The following TAFA1 variants were observed in gnomAD, a reference collection of about 807,000 sequenced individuals.
TAFA1 encodes chemokine-like protein TAFA-1.
A neutral mutation model predicts 18.5 loss-of-function variants in TAFA1; 4 were observed. The observed-to-expected ratio is 0.22, with a 90% confidence interval of 0.11 to 0.49. The LOEUF is 0.49. Among genes scored for constraint, TAFA1 ranks in the 20% least tolerant of loss-of-function variants. TAFA1 has a pLI of 0.98. For synonymous variants in TAFA1, 56 were observed against 55.2 expected, an observed-to-expected ratio of 1.01 and a Z score of -0.06; for missense variants, 147 against 169.0, an observed-to-expected ratio of 0.87 and a Z score of 0.72.
At chr3:68,346,643 C>G (rs1054425374) in intron 2 of TAFA1, among the ~76,000 whole-genome samples, 7 of 152,166 alleles carry the variant, frequency 4.6e-5, no homozygotes, top group Non-Finnish European at 1.0e-4. Context: ...TTTTGAGGCT[C>G]TATCATCTGA....
At chr3:68,289,756 AG>A (rs1559601523) in intron 2 of TAFA1, among the ~76,000 whole-genome samples, 1 of 152,222 alleles carries the variant, frequency 6.6e-6, no homozygotes, top group Non-Finnish European at 1.5e-5. Flanking sequence ...AGAGAAATTA[AG>A]GGTGTCTCCT....
At chr3:68,099,021 A>C (rs2065118700) in intron 2 of TAFA1, among the ~76,000 whole-genome samples, 1 of 152,136 alleles carries the variant, frequency 6.6e-6, no homozygotes, top group Non-Finnish European at 1.5e-5. Context: ...TGAATTAAAG[A>C]CTTAAATTTA....
chr3:68,500,421 A>C (rs913428408), intron 3 of TAFA1, among the ~76,000 whole-genome samples: 1 of 152,140 alleles, frequency 6.6e-6, no homozygotes, highest in Admixed American at 6.6e-5. Context: ...TCCCTGCCCA[A>C]TTGTTATAAA....
At chr3:68,538,958 A>G (rs1014029978) in intron 4 of TAFA1, 78 bp downstream of exon 4, 2 of 1,482,304 alleles carry the variant, frequency 1.3e-6, no homozygotes, top group African/African-American at 1.4e-5. Context: ...AACAGCATCC[A>G]CAGAAGCTTT....
chr3:68,542,122 A>G (rs1485201821), intron 4 of TAFA1, among the ~76,000 whole-genome samples: 1 of 152,114 alleles, frequency 6.6e-6, no homozygotes, highest in Non-Finnish European at 1.5e-5. Flanking sequence ...CTTTCAGGAG[A>G]TTTGGAATAA....
intron 1 of TAFA1, among the ~76,000 whole-genome samples, chr3:68,005,743 C>T (rs540155601): frequency 4.6e-5 from 7 of 152,302 alleles, no homozygotes; most frequent in African/African-American, 1.2e-4. Flanking sequence ...AAGGACGGTG[C>T]TTCAAGTTTG....
At chr3:68,034,548 A>G (rs1393367555) in intron 2 of TAFA1, among the ~76,000 whole-genome samples, 1 of 152,218 alleles carries the variant, frequency 6.6e-6, no homozygotes. Context: ...AATGGACTCT[A>G]TTGTGACCTA....
chr3:68,094,405 G>A (rs1434109327), intron 2 of TAFA1, among the ~76,000 whole-genome samples: 2 of 152,030 alleles, frequency 1.3e-5, no homozygotes, highest in East Asian at 1.9e-4. Context: ...TTATATTCCC[G>A]GAGGTATCTC....
At chr3:68,425,948 T>A (rs17047694) in intron 3 of TAFA1, among the ~76,000 whole-genome samples, 3,804 of 151,986 alleles carry the variant, frequency 0.025, 72 homozygotes, top group East Asian at 0.09. Flanking sequence ...CAGGTTGATG[T>A]TCCTGCCTGG....
intron 2 of TAFA1, among the ~76,000 whole-genome samples, chr3:68,291,685 T>C (rs1676289395): frequency 1.4e-5 from 2 of 145,084 alleles, no homozygotes; most frequent in Admixed American, 6.9e-5. Flanking sequence ...AGAATGTTCA[T>C]TCCCCACAAA....
In TAFA1 at chr3:68,042,148, C is replaced by G. The variant is rs989812223; in HGVS notation, c.118+35404C>G. ...CATAGACTCCTCACCCCTCCACTTT[C>G]AGTTTTTTCCTACCCTAATTTGCAT... is the stretch of plus-strand genomic sequence containing the variant. On this transcript the variant is annotated intron_variant, in intron 2 of 4. Transcript: ENST00000478136. Among the ~76,000 whole-genome samples the G allele has an allele frequency of 5.1e-4, 78 of 152,122 alleles. 1 individual carries two copies. The highest frequency in any genetic ancestry group is 2.1e-4 in the Non-Finnish European group (14 of 68,008).
intron 3 of TAFA1, among the ~76,000 whole-genome samples, chr3:68,502,933 G>A (rs1387521453): frequency 1.3e-5 from 2 of 152,116 alleles, no homozygotes; most frequent in African/African-American, 4.8e-5. Flanking sequence ...CAGCCCAAAT[G>A]CCCACCAGCG....
intron 2 of TAFA1, among the ~76,000 whole-genome samples, chr3:68,414,148 T>C (rs1575845731): frequency 1.3e-5 from 2 of 151,878 alleles, no homozygotes; most frequent in Non-Finnish European, 2.9e-5. Flanking sequence ...CTACTAACAA[T>C]ACAAAAAAAT....
chr3:68,333,237 AT>A (rs2068911939), intron 2 of TAFA1, among the ~76,000 whole-genome samples: 1 of 152,214 alleles, frequency 6.6e-6, no homozygotes, highest in African/African-American at 2.4e-5. Flanking sequence ...TAGGAAAATC[AT>A]GGAATCAACC....
chr3:68,033,243 A>G (rs1704975211), intron 2 of TAFA1, among the ~76,000 whole-genome samples: 1 of 152,002 alleles, frequency 6.6e-6, no homozygotes, highest in Non-Finnish European at 1.5e-5. Flanking sequence ...GAGCTTTCAT[A>G]CTCACTTCCT....
chr3:68,040,601 C>T (rs752236130), intron 2 of TAFA1, among the ~76,000 whole-genome samples: 29 of 152,176 alleles, frequency 1.9e-4, no homozygotes, highest in Non-Finnish European at 3.2e-4. Context: ...AAGGTTTCCT[C>T]TAGTCCAGTG....
At chr3:68,058,914 G>C (rs145291593) in intron 2 of TAFA1, among the ~76,000 whole-genome samples, 1 of 152,156 alleles carries the variant, frequency 6.6e-6, no homozygotes, top group Non-Finnish European at 1.5e-5. Flanking sequence ...TGTAAATTGG[G>C]AGGTTTCAGG....
At chr3:68,205,019 A>G (rs1373318168) in intron 2 of TAFA1, among the ~76,000 whole-genome samples, 1 of 151,866 alleles carries the variant, frequency 6.6e-6, no homozygotes, top group Non-Finnish European at 1.5e-5. Context: ...ATCTACATAC[A>G]GTGTAAAACT....
At chr3:68,007,956 T>C (rs967264231) in intron 2 of TAFA1, among the ~76,000 whole-genome samples, 14 of 152,210 alleles carry the variant, frequency 9.2e-5, no homozygotes, top group Non-Finnish European at 1.9e-4. Flanking sequence ...CCCAGGGTCC[T>C]CCCGCGCGCC....
Sources: allele counts gnomAD v4.1 joint callset (sites outside exome capture counted in the v4.1 genomes callset), GRCh38; gene constraint gnomAD v4.1.1; transcripts MANE v1.5; gene names NCBI Gene and HGNC (gene_info 2026-07-23, HGNC 2026-07-21).